The following CIMIP2C variants were observed in gnomAD, a reference collection of about 807,000 sequenced individuals.
CIMIP2C encodes ciliary microtubule inner protein 2C, also known as UPF0573 protein C2orf70.
the CIMIP2C span, among the ~76,000 whole-genome samples, chr2:26,563,992 T>C: frequency 2.6e-5 from 4 of 152,164 alleles, no homozygotes; most frequent in Non-Finnish European, 4.4e-5. Flanking sequence ...TGACTTAGGA[T>C]TTGCCCGTTT....
At chr2:26,579,122 T>C in the CIMIP2C span, 1 of 664,480 alleles carries the variant, frequency 1.5e-6, no homozygotes, top group Non-Finnish European at 2.6e-6. Flanking sequence ...TGCCATTATG[T>C]AAATACAGGT....
chr2:26,562,629 CGG>C, the CIMIP2C span: 1 of 1,585,246 alleles, frequency 6.3e-7, no homozygotes, highest in Admixed American at 1.8e-5. Context: ...TCCCGCAGCG[CGG>C]GCACCCTACT....
chr2:26,563,420 T>C, the CIMIP2C span, among the ~76,000 whole-genome samples: 10,493 of 152,260 alleles, frequency 0.069, 431 homozygotes, highest in Middle Eastern at 0.12. Context: ...CTCCTGTTCT[T>C]TGGCTCTTTC....
the CIMIP2C span, among the ~76,000 whole-genome samples, chr2:26,572,779 C>T: frequency 6.6e-6 from 1 of 152,152 alleles, no homozygotes; most frequent in African/African-American, 2.4e-5. Flanking sequence ...CTTGGAGGGG[C>T]GGAGCAGGCT....
the CIMIP2C span, among the ~76,000 whole-genome samples, chr2:26,577,117 G>A: frequency 8.7e-4 from 132 of 152,296 alleles, no homozygotes; most frequent in African/African-American, 2.9e-3. Flanking sequence ...CCATCTTGGC[G>A]CTCAACAGAA....
the CIMIP2C span, chr2:26,579,154 G>A: frequency 2.2e-6 from 2 of 894,274 alleles, no homozygotes; most frequent in Non-Finnish European, 1.7e-6. Context: ...CAAGTCCAGG[G>A]GGACTTATCA....
the CIMIP2C span, chr2:26,579,139 C>T: frequency 1.3e-6 from 1 of 766,854 alleles, no homozygotes; most frequent in African/African-American, 1.8e-5. Context: ...AGGTTATTCC[C>T]ACCCCAAGTC....
chr2:26,567,516 G>T, the CIMIP2C span, among the ~76,000 whole-genome samples: 1 of 152,234 alleles, frequency 6.6e-6, no homozygotes, highest in African/African-American at 2.4e-5. Flanking sequence ...TGGGAACAGA[G>T]TAATACACTC....
chr2:26,577,678 G>A, the CIMIP2C span: 140 of 1,386,728 alleles, frequency 1.0e-4, no homozygotes, highest in East Asian at 3.0e-3. Flanking sequence ...CGCACCCATG[G>A]GGCACCTGCT....
the CIMIP2C span, among the ~76,000 whole-genome samples, chr2:26,567,071 G>T: frequency 6.6e-6 from 1 of 152,144 alleles, no homozygotes; most frequent in Admixed American, 6.5e-5. Flanking sequence ...TTTAATAATA[G>T]ACTTAACAAT....
the CIMIP2C span, among the ~76,000 whole-genome samples, chr2:26,563,981 G>T: frequency 6.6e-6 from 1 of 152,118 alleles, no homozygotes; most frequent in African/African-American, 2.4e-5. Context: ...GCCAAGCCAG[G>T]TGACTTAGGA....
chr2:26,573,664 G>A, the CIMIP2C span, among the ~76,000 whole-genome samples: 1 of 152,354 alleles, frequency 6.6e-6, no homozygotes, highest in South Asian at 2.1e-4. Flanking sequence ...CCTCCGCGGG[G>A]AACTCAGGGG....
chr2:26,571,582 T>A, the CIMIP2C span, among the ~76,000 whole-genome samples: 1 of 152,176 alleles, frequency 6.6e-6, no homozygotes, highest in Non-Finnish European at 1.5e-5. Flanking sequence ...AGGTTCCTGA[T>A]AAATTAATGT....
At chr2:26,577,391 C>T in the CIMIP2C span, 3 of 865,752 alleles carry the variant, frequency 3.5e-6, no homozygotes, top group Non-Finnish European at 5.5e-6. Flanking sequence ...CTCCGGGACT[C>T]CTCCGGGGGC....
the CIMIP2C span, chr2:26,577,982 C>T: frequency 7.1e-5 from 20 of 279,770 alleles, no homozygotes; most frequent in Non-Finnish European, 1.3e-4. Flanking sequence ...CGATGCAGAG[C>T]GCAGTAAGGA....
chr2:26,577,634 T>G, the CIMIP2C span: 1 of 1,607,974 alleles, frequency 6.2e-7, no homozygotes, highest in Non-Finnish European at 8.5e-7. Flanking sequence ...GTCCTGTGAG[T>G]GCCTGCCCTC....
the CIMIP2C span, among the ~76,000 whole-genome samples, chr2:26,571,801 C>G: frequency 6.6e-6 from 1 of 151,884 alleles, no homozygotes; most frequent in East Asian, 1.9e-4. Flanking sequence ...AGATAAAGGA[C>G]TAGATGGAGG....
the CIMIP2C span, among the ~76,000 whole-genome samples, chr2:26,573,922 C>A: frequency 2.6e-5 from 4 of 152,266 alleles, no homozygotes; most frequent in Non-Finnish European, 5.9e-5. Flanking sequence ...CAGGGCAGGA[C>A]TCACTTTGTG....
chr2:26,573,143 C>T, the CIMIP2C span, among the ~76,000 whole-genome samples: 2 of 152,118 alleles, frequency 1.3e-5, no homozygotes, highest in African/African-American at 2.4e-5. Flanking sequence ...TAGAGGTTCA[C>T]GTTTCAATGG....
Sources: allele counts gnomAD v4.1 joint callset (sites outside exome capture counted in the v4.1 genomes callset), GRCh38; gene constraint gnomAD v4.1.1; transcripts MANE v1.5; gene names NCBI Gene and HGNC (gene_info 2026-07-23, HGNC 2026-07-21).